Variants in CADM1 observed in about 807,000 individuals in gnomAD.
CADM1 encodes the protein TSLC-1.
In CADM1, 15 loss-of-function variants were observed where a neutral mutation model predicts 53.1. The observed-to-expected ratio is 0.28, with a 90% CI of 0.19 to 0.44. The LOEUF is 0.44. Among genes scored for constraint, CADM1 ranks in the 20% least tolerant of loss-of-function variants. CADM1 has a pLI of 1.00. For missense variants in CADM1, 434 were observed against 611.3 expected, an observed-to-expected ratio of 0.71 and a Z score of 3.06; for synonymous variants, 281 against 243.0, an observed-to-expected ratio of 1.16 and a Z score of -1.45.
intron 1 of CADM1, among the ~76,000 whole-genome samples, chr11:115,307,552 TA>T (rs1944410298): frequency 6.6e-6 from 1 of 150,832 alleles, no homozygotes; most frequent in Non-Finnish European, 1.5e-5. Context: ...ACCCAATTAC[TA>T]AAATAGGCTA....
At chr11:115,309,721 G>C (rs571909449) in intron 1 of CADM1, among the ~76,000 whole-genome samples, 1 of 152,048 alleles carries the variant, frequency 6.6e-6, no homozygotes, top group Non-Finnish European at 1.5e-5. Flanking sequence ...TCTATCCCCC[G>C]GCCGTGTGAC....
intron 1 of CADM1, among the ~76,000 whole-genome samples, chr11:115,425,230 T>C (rs1002313495): frequency 1.3e-5 from 2 of 152,236 alleles, no homozygotes; most frequent in Admixed American, 1.3e-4. Flanking sequence ...TTTGATAATA[T>C]AAATCAAACT....
rs916136918 is a variant in CADM1 at position 115,367,643 on chromosome 11, C to T, written c.125-127223G>A. ...TTCTTTTCTGTATACTTTTAGCATA[C>T]TTATATGCATATAAATTTTATATAT... On this transcript the variant is annotated intron_variant, in intron 1 of 11. Transcript: ENST00000331581. Among the ~76,000 whole-genome samples the T allele has an allele frequency of 2.0e-5, 3 of 152,038 alleles. No homozygotes were observed. In the South Asian group the frequency reaches 6.2e-4, roughly 32 times the overall value.
chr11:115,397,810 T>C (rs1488519863), intron 1 of CADM1, among the ~76,000 whole-genome samples: 2 of 152,132 alleles, frequency 1.3e-5, no homozygotes, highest in Non-Finnish European at 2.9e-5. Flanking sequence ...ATTAACAAAA[T>C]GGTGGATAAA....
At chr11:115,356,546 T>C (rs1208697823) in intron 1 of CADM1, among the ~76,000 whole-genome samples, 2 of 152,070 alleles carry the variant, frequency 1.3e-5, no homozygotes, top group South Asian at 4.1e-4. Context: ...GGAATGTCAG[T>C]GAATGACAGG....
intron 10 of CADM1, among the ~76,000 whole-genome samples, chr11:115,187,865 G>A (rs11215403): frequency 0.19 from 28,357 of 152,174 alleles, 3,218 homozygotes; most frequent in South Asian, 0.31. Context: ...ATTGCCCTCC[G>A]AGGCCCATGC....
At chr11:115,429,886 G>A (rs1947998650) in intron 1 of CADM1, among the ~76,000 whole-genome samples, 1 of 152,128 alleles carries the variant, frequency 6.6e-6, no homozygotes, top group Non-Finnish European at 1.5e-5. Flanking sequence ...CCCAGACCCG[G>A]AGCAGTGTCT....
intron 1 of CADM1, among the ~76,000 whole-genome samples, chr11:115,439,691 G>A (rs79310201): frequency 6.6e-6 from 1 of 152,186 alleles, no homozygotes; most frequent in African/African-American, 2.4e-5. Flanking sequence ...GAAATTGTCA[G>A]GTCGACTTTA....
At chr11:115,190,814 G>T in intron 10 of CADM1, 74 bp downstream of exon 10, 1 of 1,283,614 alleles carries the variant, frequency 7.8e-7, no homozygotes, top group South Asian at 1.3e-5. Context: ...CAAACCAAAT[G>T]GCCATTTTGT....
intron 5 of CADM1, 196 bp from the exon 6 acceptor site, chr11:115,218,187 C>G (rs897046011): frequency 1.5e-4 from 90 of 582,540 alleles, no homozygotes; most frequent in African/African-American, 1.3e-3. Context: ...AGGAGTGAAC[C>G]GCAAATAGAT....
intron 1 of CADM1, among the ~76,000 whole-genome samples, chr11:115,301,127 A>G (rs1397686362): frequency 6.6e-6 from 1 of 152,128 alleles, no homozygotes; most frequent in Non-Finnish European, 1.5e-5. Context: ...TGATTTCAGC[A>G]TCAGCACATT....
At chr11:115,254,060 T>C (rs1292334500) in intron 1 of CADM1, among the ~76,000 whole-genome samples, 1 of 152,184 alleles carries the variant, frequency 6.6e-6, no homozygotes, top group Non-Finnish European at 1.5e-5. Flanking sequence ...CACATATTTG[T>C]ACAGCTTGAG....
At chr11:115,202,078 T>C (rs1940456938) in intron 8 of CADM1, among the ~76,000 whole-genome samples, 1 of 152,054 alleles carries the variant, frequency 6.6e-6, no homozygotes, top group African/African-American at 2.4e-5. Flanking sequence ...TCAGACCCCA[T>C]CTTGAATAAA....
intron 2 of CADM1, among the ~76,000 whole-genome samples, chr11:115,239,900 A>G (rs1396722972): frequency 6.6e-6 from 1 of 152,202 alleles, no homozygotes; most frequent in Non-Finnish European, 1.5e-5. Context: ...TTTTATGCTT[A>G]TAGGCATTTA....
intron 1 of CADM1, among the ~76,000 whole-genome samples, chr11:115,338,174 G>A (rs1210997891): frequency 1.3e-5 from 2 of 152,114 alleles, no homozygotes; most frequent in African/African-American, 4.8e-5. Flanking sequence ...CACATGTACG[G>A]TGTTACTATA....
chr11:115,223,347 GT>G (rs1366879574), intron 5 of CADM1, among the ~76,000 whole-genome samples: 1 of 152,126 alleles, frequency 6.6e-6, no homozygotes, highest in East Asian at 1.9e-4. Context: ...AAAGGATGTT[GT>G]TTGACCATTC....
intron 1 of CADM1, among the ~76,000 whole-genome samples, chr11:115,342,104 C>G (rs1945464532): frequency 6.6e-6 from 1 of 152,122 alleles, no homozygotes; most frequent in African/African-American, 2.4e-5. Flanking sequence ...ATTATGCCAG[C>G]CATTTGTCCT....
chr11:115,360,470 C>T (rs936585783), intron 1 of CADM1, among the ~76,000 whole-genome samples: 30 of 152,198 alleles, frequency 2.0e-4, no homozygotes, highest in Non-Finnish European at 5.9e-5. Flanking sequence ...AAACTATATA[C>T]ACACATATTC....
chr11:115,327,301 C>T (rs1944982975), intron 1 of CADM1, among the ~76,000 whole-genome samples: 1 of 152,202 alleles, frequency 6.6e-6, no homozygotes, highest in Admixed American at 6.5e-5. Flanking sequence ...TCTCCAATCC[C>T]CTATACACTA....
Sources: allele counts gnomAD v4.1 joint callset (sites outside exome capture counted in the v4.1 genomes callset), GRCh38; gene constraint gnomAD v4.1.1; transcripts MANE v1.5; gene names NCBI Gene and HGNC (gene_info 2026-07-23, HGNC 2026-07-21).